The following FHIT variants were observed in gnomAD, a reference collection of about 807,000 sequenced individuals.
The protein encoded by FHIT is bis(5'-adenosyl)-triphosphatase.
A neutral mutation model predicts 17.9 loss-of-function variants in FHIT; 19 were observed. The ratio of observed to expected loss-of-function variants is 1.06; its 90% confidence interval spans 0.74 to 1.56. The LOEUF (loss-of-function observed/expected upper bound fraction) is 1.56. Among genes scored for constraint, FHIT ranks in the 40% most tolerant of loss-of-function variants. The pLI, the probability that FHIT is intolerant of heterozygous loss-of-function variation, is 0.00. For missense variants in FHIT, 248 were observed against 189.2 expected, an observed-to-expected ratio of 1.31 and a Z score of -1.82; for synonymous variants, 81 against 69.7, an observed-to-expected ratio of 1.16 and a Z score of -0.81.
chr3:60,140,575 ATTTT>A (rs10540921), intron 5 of FHIT, among the ~76,000 whole-genome samples: 24,927 of 128,878 alleles, frequency 0.19, 3,364 homozygotes, highest in East Asian at 0.49. Context: ...CACAGACTCT[ATTTT>A]TTTTTTTTTT....
chr3:60,052,775 TTA>T (rs1358868413), intron 5 of FHIT, among the ~76,000 whole-genome samples: 1 of 148,176 alleles, frequency 6.7e-6, no homozygotes, highest in African/African-American at 2.4e-5. Flanking sequence ...TAAATATATA[TTA>T]TATATAATAT....
intron 5 of FHIT, among the ~76,000 whole-genome samples, chr3:60,243,984 T>G (rs547522899): frequency 6.6e-6 from 1 of 152,040 alleles, no homozygotes; most frequent in Admixed American, 6.6e-5. Context: ...ATGGTTTGTA[T>G]AGCTGAAAAA....
intron 4 of FHIT, among the ~76,000 whole-genome samples, chr3:60,686,433 C>T (rs1316147467): frequency 1.3e-5 from 2 of 151,996 alleles, no homozygotes; most frequent in African/African-American, 4.8e-5. Flanking sequence ...TTGCACCAAC[C>T]TAATATTTTT....
At chr3:60,225,160 C>CT (rs1704137616) in intron 5 of FHIT, among the ~76,000 whole-genome samples, 1 of 152,186 alleles carries the variant, frequency 6.6e-6, no homozygotes, top group African/African-American at 2.4e-5. Context: ...CACATGCCAA[C>CT]TTTAATAGTT....
intron 7 of FHIT, among the ~76,000 whole-genome samples, chr3:59,976,693 T>C (rs1226231426): frequency 6.6e-6 from 1 of 152,126 alleles, no homozygotes; most frequent in Non-Finnish European, 1.5e-5. Context: ...ATATTTGCCT[T>C]AGCACTTTCC....
At chr3:60,211,302 G>T (rs1037272766) in intron 5 of FHIT, among the ~76,000 whole-genome samples, 1 of 151,808 alleles carries the variant, frequency 6.6e-6, no homozygotes, top group Non-Finnish European at 1.5e-5. Flanking sequence ...GCAACCTTAT[G>T]TATATATTGT....
intron 5 of FHIT, among the ~76,000 whole-genome samples, chr3:60,441,588 G>T (rs1017880592): frequency 4.7e-5 from 7 of 150,442 alleles, no homozygotes; most frequent in African/African-American, 1.7e-4. Context: ...CACACCTTTA[G>T]AAAGAGTCAC....
At chr3:60,712,249 G>A (rs1403660225) in intron 4 of FHIT, among the ~76,000 whole-genome samples, 2 of 152,124 alleles carry the variant, frequency 1.3e-5, no homozygotes, top group African/African-American at 4.8e-5. Flanking sequence ...TCACCACCAG[G>A]CTGCCCTAAA....
intron 5 of FHIT, among the ~76,000 whole-genome samples, chr3:60,116,119 G>A (rs1205025469): frequency 1.3e-5 from 2 of 152,162 alleles, no homozygotes; most frequent in Admixed American, 6.5e-5. Context: ...AGTGTACTAT[G>A]CTAAGGTGTT....
intron 5 of FHIT, among the ~76,000 whole-genome samples, chr3:60,147,686 AT>A (rs956633318): frequency 7.2e-5 from 11 of 152,088 alleles, no homozygotes; most frequent in Admixed American, 1.3e-4. Flanking sequence ...CCCTGAGCAA[AT>A]TTTTTTCCCC....
At chr3:61,224,501 C>A (rs914654902) in intron 1 of FHIT, among the ~76,000 whole-genome samples, 9 of 152,196 alleles carry the variant, frequency 5.9e-5, no homozygotes, top group African/African-American at 2.2e-4. Flanking sequence ...ACTCTGCCTC[C>A]CGGGTTCAAG....
intron 8 of FHIT, among the ~76,000 whole-genome samples, chr3:59,830,941 C>T (rs1372046944): frequency 6.6e-6 from 1 of 152,184 alleles, no homozygotes; most frequent in Non-Finnish European, 1.5e-5. Context: ...ACCAATGAAG[C>T]AGGATGGGGT....
At chr3:60,034,668 G>A (rs959270518) in intron 5 of FHIT, among the ~76,000 whole-genome samples, 6 of 152,154 alleles carry the variant, frequency 3.9e-5, no homozygotes, top group Admixed American at 2.0e-4. Flanking sequence ...CAGTATGACT[G>A]TTATAATGGT....
In FHIT at chr3:60,986,763, C is replaced by T. The variant is rs184666907; in HGVS notation, c.-111+55284G>A. On this transcript the variant is annotated intron_variant, in intron 3 of 9. Transcript: ENST00000492590. ...CTCAAGCCAGAAATTTCACCAGCAT[C>T]ATAGGAATAGCCGCTGACAGTTATT... Among the ~76,000 whole-genome samples the T allele has an allele frequency of 1.3e-3, 192 of 152,316 alleles. 1 individual carries two copies. Among genetic ancestry groups the T allele is most frequent in the Middle Eastern group, 3.4e-3 (1 of 294 alleles).
intron 5 of FHIT, among the ~76,000 whole-genome samples, chr3:60,041,671 CA>C (rs1409554920): frequency 2.0e-5 from 3 of 152,142 alleles, no homozygotes; most frequent in African/African-American, 7.2e-5. Flanking sequence ...ACAAAGCTGT[CA>C]TGGGGAGAAG....
At chr3:60,218,190 GA>G (rs1458691778) in intron 5 of FHIT, among the ~76,000 whole-genome samples, 27 of 152,160 alleles carry the variant, frequency 1.8e-4, no homozygotes, top group Middle Eastern at 3.4e-3. Flanking sequence ...TTCTGAGATC[GA>G]AAAGTTTAAG....
At chr3:60,234,858 T>G (rs1704686985) in intron 5 of FHIT, among the ~76,000 whole-genome samples, 1 of 152,172 alleles carries the variant, frequency 6.6e-6, no homozygotes, top group Admixed American at 6.5e-5. Context: ...CACTGACTGG[T>G]AGACTTTAAT....
intron 5 of FHIT, among the ~76,000 whole-genome samples, chr3:60,225,329 C>G (rs1220763169): frequency 6.6e-6 from 1 of 152,178 alleles, no homozygotes; most frequent in Non-Finnish European, 1.5e-5. Flanking sequence ...TGCAGGCAAA[C>G]TCTTACTGTC....
chr3:61,152,034 A>G (rs2037409144), intron 2 of FHIT, among the ~76,000 whole-genome samples: 1 of 152,200 alleles, frequency 6.6e-6, no homozygotes, highest in East Asian at 1.9e-4. Flanking sequence ...TCTTCTTTAT[A>G]TTGTAGTTAA....
Sources: allele counts gnomAD v4.1 joint callset (sites outside exome capture counted in the v4.1 genomes callset), GRCh38; gene constraint gnomAD v4.1.1; transcripts MANE v1.5; gene names NCBI Gene and HGNC (gene_info 2026-07-23, HGNC 2026-07-21).